The following GOLIM4 variants were observed in gnomAD, a reference collection of about 807,000 sequenced individuals.
GOLIM4 encodes the protein golgi integral membrane protein 4.
Under a neutral mutation model 107.4 loss-of-function variants are expected in GOLIM4, and 71 were observed. The observed-to-expected ratio is 0.66, with a 90% CI of 0.55 to 0.81. The LOEUF (loss-of-function observed/expected upper bound fraction) is 0.81, where lower values mean the gene tolerates loss of function less well. GOLIM4 is among the 30% of genes least tolerant of loss of function. The pLI is 0.00. For synonymous variants in GOLIM4, 327 were observed against 294.8 expected, an observed-to-expected ratio of 1.11 and a Z score of -1.12; for missense variants, 830 against 826.1, an observed-to-expected ratio of 1.00 and a Z score of -0.06.
At chr3:168,014,177 A>G (rs1222023881) in intron 14 of GOLIM4, among the ~76,000 whole-genome samples, 68 of 151,464 alleles carry the variant, frequency 4.5e-4, no homozygotes, top group Non-Finnish European at 8.3e-4. Flanking sequence ...AGAAGAATCT[A>G]ATAGATGCAA....
At chr3:168,078,154 T>A (rs1354028490) in intron 1 of GOLIM4, among the ~76,000 whole-genome samples, 1 of 152,110 alleles carries the variant, frequency 6.6e-6, no homozygotes, top group Non-Finnish European at 1.5e-5. Context: ...GAATCCCCTG[T>A]TAATTATTTG....
intron 1 of GOLIM4, among the ~76,000 whole-genome samples, chr3:168,074,648 TGGGCTACTATGTGGAAGATTGG>T (rs1194795865): frequency 3.9e-5 from 6 of 152,304 alleles, no homozygotes; most frequent in African/African-American, 1.4e-4. Flanking sequence ...TGTAACCTAC[TGGGCTACTATGTGGAAGATTGG>T]GGTGAAAGCA....
chr3:168,046,987 TA>T lies in GOLIM4; in HGVS notation c.274del (p.Tyr92IlefsTer3). On this transcript the variant is annotated frameshift_variant, in exon 3 of 16. Coordinates refer to ENST00000470487, the MANE Select transcript of GOLIM4 (RefSeq NM_014498.5). LOFTEE classifies it high-confidence loss of function. The stretch of plus-strand genomic sequence containing the variant: ...TAATGTTTCTTGTGCTTCTAACTTA[TA>T]AACAAGAAAATCTAGAAAATACAAG... ...HKKAKEDFLV[Y>X]KLEAQETLNK... 1 of 1,330,672 alleles carries T rather than the reference TA, an allele frequency of 7.5e-7. No individual in the cohort carries two copies. Among genetic ancestry groups the T allele is most frequent in the Non-Finnish European group, 1.0e-6 (1 of 962,830 alleles). 82.4% of individuals were successfully genotyped at this position (1,330,672 alleles called of 1,614,324 possible). A position where few individuals can be genotyped will look rare whatever the true frequency, so the allele number is the denominator to read the frequency against.
At chr3:168,048,872 G>C (rs1357474086) in intron 1 of GOLIM4, among the ~76,000 whole-genome samples, 1 of 152,112 alleles carries the variant, frequency 6.6e-6, no homozygotes, top group Admixed American at 6.6e-5. Flanking sequence ...GGAGACCTCA[G>C]CAGCATACCA....
At chr3:168,029,443 C>T in intron 10 of GOLIM4, 141 bp from the exon 11 acceptor site, 1 of 561,378 alleles carries the variant, frequency 1.8e-6, no homozygotes, top group Non-Finnish European at 3.1e-6. Context: ...TTAAAAACCT[C>T]TTATGTATGC....
At chr3:168,057,127 C>A (rs1183751587) in intron 1 of GOLIM4, among the ~76,000 whole-genome samples, 3 of 152,116 alleles carry the variant, frequency 2.0e-5, no homozygotes, top group African/African-American at 7.2e-5. Flanking sequence ...CTAACGAGAG[C>A]TGATGGTTTT....
chr3:168,052,501 A>C (rs964362568), intron 1 of GOLIM4, among the ~76,000 whole-genome samples: 9 of 152,020 alleles, frequency 5.9e-5, no homozygotes, highest in Non-Finnish European at 1.3e-4. Flanking sequence ...TCTTTAAATA[A>C]AAGAAAAAGC....
intron 14 of GOLIM4, among the ~76,000 whole-genome samples, chr3:168,012,796 AT>A (rs1717130345): frequency 2.0e-5 from 3 of 152,134 alleles, no homozygotes; most frequent in Admixed American, 1.3e-4. Context: ...ACTAAGCTTC[AT>A]AAGCGAAGGA....
chr3:168,068,807 T>C (rs565430673), intron 1 of GOLIM4, among the ~76,000 whole-genome samples: 1 of 151,638 alleles, frequency 6.6e-6, no homozygotes, highest in South Asian at 2.1e-4. Context: ...TTAAAACTTT[T>C]CTGCACTTTA....
intron 1 of GOLIM4, among the ~76,000 whole-genome samples, chr3:168,064,293 T>C (rs1720429109): frequency 6.6e-6 from 1 of 152,224 alleles, no homozygotes; most frequent in Admixed American, 6.5e-5. Flanking sequence ...GATCTGCAAA[T>C]TGTCATCTCG....
Position 168,030,260 on chromosome 3 carries a change from G to A in GOLIM4, c.1177-224C>T, listed in dbSNP as rs368264296. ...TGATATTTCCAACTACTGCTATTAAGGCAGATTTTCAATGTGCTCCCTTCT... is the reference window on the plus strand; with the variant it reads ...TGATATTTCCAACTACTGCTATTAAAGCAGATTTTCAATGTGCTCCCTTCT... On this transcript the variant is annotated intron_variant, in intron 9 of 15. Transcript: ENST00000470487. 2.6e-5 allele frequency among the ~76,000 whole-genome samples: 4 copies of A among 152,246 alleles called. No individual in the cohort carries two copies. In the East Asian group the frequency reaches 7.7e-4, roughly 29 times the overall value.
intron 8 of GOLIM4, among the ~76,000 whole-genome samples, chr3:168,035,133 A>G (rs559139113): frequency 3.0e-3 from 451 of 152,282 alleles, no homozygotes; most frequent in African/African-American, 0.01. Flanking sequence ...CAGAAGAGCT[A>G]TTATTAAAAA....
chr3:168,029,134 A>C, intron 11 of GOLIM4, 89 bp downstream of exon 11: 1 of 841,454 alleles, frequency 1.2e-6, no homozygotes, highest in Non-Finnish European at 2.0e-6. Context: ...CATACAGCTC[A>C]TTGATGTTAT....
intron 3 of GOLIM4, 146 bp from the exon 4 acceptor site, chr3:168,045,027 A>G: frequency 1.9e-6 from 1 of 535,102 alleles, no homozygotes; most frequent in South Asian, 3.0e-5. Context: ...ATGTCGCTGG[A>G]GCCATCGATT....
chr3:168,045,835 A>T (rs1719268831), intron 3 of GOLIM4, among the ~76,000 whole-genome samples: 1 of 152,208 alleles, frequency 6.6e-6, no homozygotes, highest in African/African-American at 2.4e-5. Context: ...AAAAGCAAGC[A>T]AGAGTTGAAA....
Position 168,024,543 on chromosome 3 carries a change from C to G in GOLIM4, c.1843G>C (p.Glu615Gln). The change falls in exon 14 of 16, where the codon GAA (glutamate) becomes CAA (glutamine). Residue 615 changes from glutamate to glutamine, a missense_variant. Coordinates refer to ENST00000470487, the MANE Select transcript of GOLIM4 (RefSeq NM_014498.5). ...QEDNVDEQYQ[E>Q]EAEEEVQEDL... ...CTTACTACCTCCTCTTCTGCCTCTT[C>G]CTGGTACTGTTCATCAACATTGTCC... The G allele has an allele frequency of 6.2e-7, 1 of 1,612,686 alleles. No individual in the cohort carries two copies. Among genetic ancestry groups the G allele is most frequent in the African/African-American group, 1.3e-5 (1 of 75,034 alleles).
chr3:168,076,314 T>C (rs1721081501), intron 1 of GOLIM4, among the ~76,000 whole-genome samples: 1 of 152,224 alleles, frequency 6.6e-6, no homozygotes, highest in African/African-American at 2.4e-5. Flanking sequence ...CTCAAGCCTA[T>C]CTGTGGGGCC....
intron 8 of GOLIM4, among the ~76,000 whole-genome samples, chr3:168,035,033 C>CAAAAAA (rs1718567695): frequency 8.4e-6 from 1 of 119,024 alleles, no homozygotes; most frequent in Non-Finnish European, 1.7e-5. Context: ...GGCCAACAAT[C>CAAAAAA]ATACAAAAAA....
intron 1 of GOLIM4, among the ~76,000 whole-genome samples, chr3:168,055,107 T>A (rs926147535): frequency 6.6e-6 from 1 of 152,150 alleles, no homozygotes; most frequent in Non-Finnish European, 1.5e-5. Flanking sequence ...GAAAACAAAC[T>A]AACACAGTAA....
Sources: allele counts gnomAD v4.1 joint callset (sites outside exome capture counted in the v4.1 genomes callset), GRCh38; gene constraint gnomAD v4.1.1; transcripts MANE v1.5; gene names NCBI Gene and HGNC (gene_info 2026-07-23, HGNC 2026-07-21).